Variants in ACSS3 observed in about 807,000 individuals in gnomAD.
ACSS3 encodes the protein acyl-CoA synthetase short-chain family member 3, mitochondrial.
In ACSS3, 64 loss-of-function variants were observed where a neutral mutation model predicts 84.2. The ratio of observed to expected loss-of-function variants is 0.76; its 90% confidence interval spans 0.62 to 0.94. The LOEUF (loss-of-function observed/expected upper bound fraction) is 0.94, where lower values mean the gene tolerates loss of function less well. Among genes scored for constraint, ACSS3 ranks in the 40% least tolerant of loss-of-function variants. The pLI is 0.00. For synonymous variants in ACSS3, 317 were observed against 310.1 expected (o/e 1.02, Z -0.23); for missense variants, 815 against 867.6 (o/e 0.94, Z 0.76).
chr12:81,184,962 T>A (rs144105615), intron 8 of ACSS3, among the ~76,000 whole-genome samples: 1 of 151,840 alleles, frequency 6.6e-6, no homozygotes, highest in African/African-American at 2.4e-5. Context: ...CTGAGGAACA[T>A]TCATGCAAAA....
intron 11 of ACSS3, among the ~76,000 whole-genome samples, chr12:81,229,038 CTG>C (rs1298589667): frequency 6.6e-6 from 1 of 151,786 alleles, no homozygotes; most frequent in Non-Finnish European, 1.5e-5. Context: ...GGCATGTAAA[CTG>C]TAATTTGCTT....
At chr12:81,231,939 A>C (rs961089078) in intron 12 of ACSS3, among the ~76,000 whole-genome samples, 3 of 151,598 alleles carry the variant, frequency 2.0e-5, no homozygotes, top group Non-Finnish European at 2.9e-5. Flanking sequence ...CTGAATGAAC[A>C]GAATTTCACT....
intron 2 of ACSS3, among the ~76,000 whole-genome samples, chr12:81,115,899 T>C (rs1884002362): frequency 1.3e-5 from 2 of 152,062 alleles, no homozygotes. Context: ...GAAAGCAAAT[T>C]TGGAAATGAA....
intron 11 of ACSS3, among the ~76,000 whole-genome samples, chr12:81,225,368 T>C (rs2033239443): frequency 6.6e-6 from 1 of 151,974 alleles, no homozygotes; most frequent in Admixed American, 6.6e-5. Flanking sequence ...AAGCATGCAC[T>C]TATTTTATCC....
rs1043927833 is a variant in ACSS3, at chr12:81,227,919, G to A, written c.1515-3138G>A. On this transcript the variant is annotated intron_variant, in intron 11 of 15. Transcript: ENST00000548058. Reference sequence around the variant, plus strand: ...TCTCACTCTTTTTCTTATTCTCTTCGCTGCCATTTCCCAGCACCATGTGTC... The same window carrying A: ...TCTCACTCTTTTTCTTATTCTCTTCACTGCCATTTCCCAGCACCATGTGTC... Among the ~76,000 whole-genome samples the A allele has an allele frequency of 8.0e-5, 12 of 150,828 alleles. 1 individual carries two copies. Among genetic ancestry groups the A allele is most frequent in the East Asian group, 2.0e-4 (1 of 5,114 alleles).
intron 11 of ACSS3, among the ~76,000 whole-genome samples, chr12:81,220,749 G>T (rs573422031): frequency 6.6e-6 from 1 of 151,948 alleles, no homozygotes; most frequent in African/African-American, 2.4e-5. Context: ...TTACAATGGC[G>T]AATCAATTTA....
intron 1 of ACSS3, among the ~76,000 whole-genome samples, chr12:81,089,086 A>G (rs1881503601): frequency 6.6e-6 from 1 of 151,924 alleles, no homozygotes; most frequent in East Asian, 1.9e-4. Flanking sequence ...AAAATCTATA[A>G]TGACCACATT....
chr12:81,180,534 G>A (rs993224650), intron 8 of ACSS3, among the ~76,000 whole-genome samples: 10 of 151,504 alleles, frequency 6.6e-5, no homozygotes, highest in Non-Finnish European at 1.2e-4. Flanking sequence ...TTTTTAAATC[G>A]AGACAGAGTC....
intron 9 of ACSS3, 76 bp from the exon 10 acceptor site, chr12:81,216,825 A>G (rs2032933872): frequency 1.7e-6 from 2 of 1,180,898 alleles, no homozygotes; most frequent in African/African-American, 3.0e-5. Context: ...AGGGTGGGGT[A>G]GAGTGTGCAT....
chr12:81,156,449 G>T (rs765485265), intron 7 of ACSS3, among the ~76,000 whole-genome samples: 8 of 151,734 alleles, frequency 5.3e-5, no homozygotes, highest in Non-Finnish European at 8.8e-5. Flanking sequence ...AATAATAAAG[G>T]TAAAAGCAGG....
chr12:81,086,701 G>A (rs1363936365), intron 1 of ACSS3, among the ~76,000 whole-genome samples: 1 of 152,144 alleles, frequency 6.6e-6, no homozygotes, highest in African/African-American at 2.4e-5. Flanking sequence ...TCCAGTGGTT[G>A]AAGTTGTTTG....
chr12:81,109,845 T>G, intron 2 of ACSS3, 141 bp downstream of exon 2: 2 of 691,116 alleles, frequency 2.9e-6, no homozygotes, highest in Non-Finnish European at 4.4e-6. Flanking sequence ...ACATTGGAAA[T>G]GAATACAGAT....
At chr12:81,133,701 A>AT (rs1402725127) in intron 2 of ACSS3, among the ~76,000 whole-genome samples, 1 of 151,858 alleles carries the variant, frequency 6.6e-6, no homozygotes, top group Non-Finnish European at 1.5e-5. Flanking sequence ...ATGATTGAAG[A>AT]TTTTTTACCA....
Position 81,259,620 on chromosome 12 carries a change from TGGTAGTGCACTTTAGGTAGA to T in ACSS3, c.*4700_*4719del, listed in dbSNP as rs1444765215. ...GGTTTTCACTGCTCGTCTTCTTAGATGGTAGTGCACTTTAGGTAGAGTAGACTGAAAAGACGCCATCTAAA... is the reference window on the plus strand; with the variant it reads ...GGTTTTCACTGCTCGTCTTCTTAGATGTAGACTGAAAAGACGCCATCTAAA... On this transcript the variant is annotated 3_prime_UTR_variant, in exon 16 of 16. Coordinates refer to ENST00000548058, the MANE Select transcript of ACSS3 (RefSeq NM_024560.4). 10 of 1,531,584 alleles carry T rather than the reference TGGTAGTGCACTTTAGGTAGA, an allele frequency of 6.5e-6. No individual in the cohort carries two copies. The South Asian group carries it at 1.2e-4, about 18-fold the overall frequency. The allele number at this position is 1,531,584 out of a possible 1,614,324, so 94.9% of individuals were successfully genotyped here.
intron 13 of ACSS3, among the ~76,000 whole-genome samples, chr12:81,238,860 C>G (rs995194806): frequency 6.7e-6 from 1 of 150,042 alleles, no homozygotes; most frequent in Non-Finnish European, 1.5e-5. Context: ...TAATTTATTT[C>G]TCCTCTAATT....
At position 81,143,111 on chromosome 12, in the gene ACSS3, C is replaced by A. The variant is rs147777981; in HGVS notation, c.785C>A (p.Ala262Glu). Reference sequence around the variant, plus strand: ...TCTTATATTTTTGCTGTGTAGGAGGCGGTTCCTTTGGCTCCCGGTCGTGAC... The same window carrying A: ...TCTTATATTTTTGCTGTGTAGGAGGAGGTTCCTTTGGCTCCCGGTCGTGAC... ...ILIYNRPNME[A>E]VPLAPGRDLD... is the part of the protein sequence containing the mutation. The change falls in exon 5 of 16, where the codon GCG becomes GAG. Residue 262 changes from alanine (A) to glutamate (E), a missense_variant. Transcript: ENST00000548058. 2.4e-5 allele frequency: 39 copies of A among 1,611,370 alleles called. No homozygotes were observed. In the Admixed American group the frequency reaches 4.3e-4, roughly 18 times the overall value.
intron 1 of ACSS3, among the ~76,000 whole-genome samples, chr12:81,091,890 CA>C (rs1451383352): frequency 6.6e-6 from 1 of 151,962 alleles, no homozygotes; most frequent in African/African-American, 2.4e-5. Flanking sequence ...CCTGAGTTCT[CA>C]AGAATTTAAG....
chr12:81,169,994 C>G (rs1164007541), intron 7 of ACSS3, among the ~76,000 whole-genome samples: 2 of 152,000 alleles, frequency 1.3e-5, no homozygotes, highest in Non-Finnish European at 2.9e-5. Context: ...TATTTCTAAT[C>G]CTGCCACAAA....
At chr12:81,131,431 C>G (rs905114139) in intron 2 of ACSS3, among the ~76,000 whole-genome samples, 3 of 152,038 alleles carry the variant, frequency 2.0e-5, no homozygotes, top group Non-Finnish European at 4.4e-5. Context: ...CTCTGTTTGT[C>G]TGTTATTGAT....
Sources: allele counts gnomAD v4.1 joint callset (sites outside exome capture counted in the v4.1 genomes callset), GRCh38; gene constraint gnomAD v4.1.1; transcripts MANE v1.5; gene names NCBI Gene and HGNC (gene_info 2026-07-23, HGNC 2026-07-21).